MOCOS: variants seen among roughly 807,000 people sequenced by gnomAD.
MOCOS encodes the protein human molybdenum cofactor sulfurase.
In MOCOS, 86 loss-of-function variants were observed where a neutral mutation model predicts 83.6. The ratio of observed to expected loss-of-function variants is 1.03; its 90% CI spans 0.86 to 1.23. MOCOS has a LOEUF of 1.23. MOCOS is among the 50% of genes most tolerant of loss of function. MOCOS has a pLI of 0.00. For synonymous variants in MOCOS, 445 were observed against 434.7 expected (o/e 1.02, Z -0.29); for missense variants, 1,120 against 1,126.9 (o/e 0.99, Z 0.09).
In MOCOS at chr18:36,220,173, C is replaced by G. The variant is rs1197487767; in HGVS notation, c.1916C>G (p.Pro639Arg). The G allele has an allele frequency of 6.2e-7, 1 of 1,614,100 alleles. No homozygotes were observed. Among genetic ancestry groups the G allele is most frequent in the East Asian group, 2.2e-5 (1 of 44,882 alleles). ...GAACCCCGGCTCTGCCTGATCCAGC[C>G]CTTCATCGACTTGCGGCAAAGGATC... ...KQEPRLCLIQ[P>R]FIDLRQRIMV... is the part of the protein sequence containing the mutation. The change falls in exon 9 of 15, where the codon CCC becomes CGC. Residue 639 changes from proline (P) to arginine (R), a missense_variant. Transcript: ENST00000261326.
chr18:36,200,639 C>T (rs2091410193), intron 4 of MOCOS, among the ~76,000 whole-genome samples: 1 of 152,206 alleles, frequency 6.6e-6, no homozygotes, highest in African/African-American at 2.4e-5. Context: ...GCTACCAGGC[C>T]TCTGCCCTCA....
chr18:36,248,842 C>T lies in MOCOS; in HGVS notation c.1961-80C>T, dbSNP rs4799859. ...CAGTACCATGCTGTTTTGGTTACTA[C>T]AGCTTTGTAGTATATTTTGAAGTCA... On this transcript the variant is annotated intron_variant, in intron 9 of 14. Coordinates refer to ENST00000261326, the MANE Select transcript of MOCOS (RefSeq NM_017947.4). 0.13 allele frequency: 151,179 copies of T among 1,208,258 alleles called. 10,713 individuals are homozygous for T. Among genetic ancestry groups the T allele is most frequent in the African/African-American group, 0.21 (13,845 of 66,478 alleles). 74.8% of individuals were successfully genotyped at this position (1,208,258 alleles called of 1,614,324 possible). A position where few individuals can be genotyped will look rare whatever the true frequency, so the allele number is the denominator to read the frequency against.
intron 9 of MOCOS, among the ~76,000 whole-genome samples, chr18:36,242,004 G>C (rs1233367997): frequency 6.6e-6 from 1 of 152,224 alleles, no homozygotes; most frequent in East Asian, 1.9e-4. Flanking sequence ...TAGGCCTCCG[G>C]GCCGTGATGA....
At chr18:36,224,378 G>T (rs914498658) in intron 9 of MOCOS, among the ~76,000 whole-genome samples, 5 of 152,118 alleles carry the variant, frequency 3.3e-5, no homozygotes, top group African/African-American at 1.2e-4. Context: ...GATCTTAAGA[G>T]AAAAAGTTTT....
At chr18:36,212,463 G>A (rs1217997132) in intron 6 of MOCOS, among the ~76,000 whole-genome samples, 2 of 152,136 alleles carry the variant, frequency 1.3e-5, no homozygotes, top group Non-Finnish European at 2.9e-5. Context: ...GCCAGGCCCA[G>A]TAGAGCTGCC....
intron 9 of MOCOS, among the ~76,000 whole-genome samples, chr18:36,221,432 T>A (rs975814455): frequency 9.9e-5 from 15 of 152,166 alleles, no homozygotes; most frequent in Non-Finnish European, 1.6e-4. Flanking sequence ...TACATAGCAG[T>A]TGTGGTGCTG....
Position 36,218,626 on chromosome 18 carries a change from C to T in MOCOS, c.1798-1429C>T, listed in dbSNP as rs145878967. ...AACTCCTGGTCTCAAGCTATCCTCC[C>T]GCCTCTGCCTCTTGAGTAGCTGAGA... On this transcript the variant is annotated intron_variant, in intron 8 of 14. Coordinates refer to ENST00000261326, the MANE Select transcript of MOCOS (RefSeq NM_017947.4). Among the ~76,000 whole-genome samples the T allele has an allele frequency of 6.8e-3, 1,040 of 152,056 alleles. 10 individuals are homozygous for T. Among genetic ancestry groups the T allele is most frequent in the African/African-American group, 0.024 (986 of 41,482 alleles).
At chr18:36,219,224 G>A (rs902060916) in intron 8 of MOCOS, among the ~76,000 whole-genome samples, 3 of 151,416 alleles carry the variant, frequency 2.0e-5, no homozygotes, top group African/African-American at 7.3e-5. Flanking sequence ...TCTCACTCTT[G>A]TCGCCCAGGC....
At chr18:36,262,382 C>G (rs1320208625) in intron 13 of MOCOS, among the ~76,000 whole-genome samples, 1 of 151,976 alleles carries the variant, frequency 6.6e-6, no homozygotes, top group African/African-American at 2.4e-5. Flanking sequence ...CAAGATTGCC[C>G]CACTGTACTC....
rs201906396 is a variant in MOCOS, at chr18:36,199,691, C to A, written c.308C>A (p.Ala103Glu). ...TVEQVRYRIL[A>E]HFHTTAEDYT... The stretch of plus-strand genomic sequence containing the variant: ...TGCTGTGCTTCTTCCAGAATCCTGG[C>A]GCACTTCCACACCACCGCAGAAGAC... Residue 103 changes from alanine to glutamate, a missense_variant, in exon 4 of 15, where the codon GCG becomes GAG. By Grantham distance (107) the Ala-to-Glu change is moderately radical. Transcript: ENST00000261326. 6.2e-7 allele frequency: 1 copy of A among 1,613,612 alleles called. No individual in the cohort carries two copies. Among genetic ancestry groups the A allele is most frequent in the Admixed American group, 1.7e-5 (1 of 60,024 alleles).
At chr18:36,231,857 T>C (rs2091538924) in intron 9 of MOCOS, among the ~76,000 whole-genome samples, 1 of 152,234 alleles carries the variant, frequency 6.6e-6, no homozygotes, top group Admixed American at 6.5e-5. Context: ...GCACATACTA[T>C]TGGTGGCACT....
At chr18:36,201,790 TG>T (rs1358937682) in intron 4 of MOCOS, among the ~76,000 whole-genome samples, 2 of 152,030 alleles carry the variant, frequency 1.3e-5, no homozygotes, top group Admixed American at 6.6e-5. Flanking sequence ...TGTCCATAGT[TG>T]GGGGGCTTCT....
chr18:36,257,195 C>G, intron 12 of MOCOS, 122 bp downstream of exon 12: 1 of 870,910 alleles, frequency 1.1e-6, no homozygotes, highest in Admixed American at 1.9e-5. Context: ...GCTTCATGTA[C>G]AGATGAGAAA....
intron 13 of MOCOS, among the ~76,000 whole-genome samples, chr18:36,264,930 G>A (rs570343051): frequency 5.9e-5 from 9 of 152,230 alleles, no homozygotes; most frequent in Admixed American, 1.3e-4. Context: ...CTAATGTGAC[G>A]AATTTATTCA....
intron 9 of MOCOS, among the ~76,000 whole-genome samples, chr18:36,241,849 C>T (rs556641046): frequency 1.3e-5 from 2 of 152,366 alleles, no homozygotes; most frequent in African/African-American, 4.8e-5. Context: ...GGGGCTTGCA[C>T]CTTCTGAAGC....
chr18:36,214,292 T>G (rs2144915488), intron 7 of MOCOS, among the ~76,000 whole-genome samples: 1 of 148,524 alleles, frequency 6.7e-6, no homozygotes, highest in East Asian at 2.0e-4. Flanking sequence ...TGCTTCAAGA[T>G]ATTATCTCTA....
At chr18:36,191,662 C>T (rs778348783) in intron 1 of MOCOS, among the ~76,000 whole-genome samples, 18 of 152,146 alleles carry the variant, frequency 1.2e-4, no homozygotes, top group Non-Finnish European at 2.6e-4. Context: ...GTCTCAAATT[C>T]CTGGCCTCAA....
rs77052652 is a variant in MOCOS, at chr18:36,216,998, C to T, written c.1797+1021C>T. On this transcript the variant is annotated intron_variant, in intron 8 of 14. Transcript: ENST00000261326. ...AGAGACATTTAGCAAGGTAGCTGGA[C>T]TCTACTTCTCAAAAATATCATGGTT... Among the ~76,000 whole-genome samples the T allele has an allele frequency of 5.6e-3, 853 of 152,280 alleles. 4 individuals carry two copies. Among genetic ancestry groups the T allele is most frequent in the African/African-American group, 0.019 (790 of 41,550 alleles).
In MOCOS at chr18:36,199,975, T is replaced by A; in HGVS notation, c.592T>A (p.Phe198Ile). ...CCCAGACTGCCAGCTGCCGCATCTC[T>A]TCTGCTACCCAGCTCAGAGTAACTT... ...SNPDCQLPHL[F>I]CYPAQSNFSG... Residue 198 changes from phenylalanine to isoleucine, a missense_variant, in exon 4 of 15, where the codon TTC (phenylalanine) becomes ATC (isoleucine). By Grantham distance (21) the Phe-to-Ile change is conservative. Transcript: ENST00000261326. 1 of 1,614,264 alleles carries A rather than the reference T, an allele frequency of 6.2e-7. No homozygotes were observed. Among genetic ancestry groups the A allele is most frequent in the South Asian group, 1.1e-5 (1 of 91,088 alleles).
Sources: allele counts gnomAD v4.1 joint callset (sites outside exome capture counted in the v4.1 genomes callset), GRCh38; gene constraint gnomAD v4.1.1; transcripts MANE v1.5; gene names NCBI Gene and HGNC (gene_info 2026-07-23, HGNC 2026-07-21).